Variants in DHRS7C observed in about 807,000 individuals in gnomAD.
The protein encoded by DHRS7C is dehydrogenase/reductase SDR family member 7C.
DHRS7C carries 28 observed loss-of-function variants against 29.6 expected under a neutral mutation model. The observed-to-expected ratio is 0.95, with a 90% CI of 0.70 to 1.30. The LOEUF (loss-of-function observed/expected upper bound fraction) is 1.30, where lower values mean the gene tolerates loss of function less well. Ranked by LOEUF, DHRS7C falls within the 50% of genes most tolerant of loss-of-function variation. The probability of loss-of-function intolerance (pLI) is 0.00; values close to 1 mark genes in which losing one functional copy is unlikely to be tolerated. For missense variants in DHRS7C, 403 were observed against 393.3 expected, an observed-to-expected ratio of 1.02 and a Z score of -0.21; for synonymous variants, 158 against 160.2, an observed-to-expected ratio of 0.99 and a Z score of 0.10.
chr17:9,790,024 A>G (rs909842461), intron 1 of DHRS7C, among the ~76,000 whole-genome samples: 3 of 152,138 alleles, frequency 2.0e-5, no homozygotes, highest in African/African-American at 7.2e-5. Context: ...ACCTGGGTCG[A>G]TCACCCACTG....
chr17:9,781,601 G>A lies in DHRS7C; in HGVS notation c.155-7C>T, dbSNP rs2066393639. 4 of 1,613,342 alleles carry A rather than the reference G, an allele frequency of 2.5e-6. No individual in the cohort carries two copies. The highest frequency in any genetic ancestry group is 3.4e-6 in the Non-Finnish European group (4 of 1,179,800). The stretch of plus-strand genomic sequence containing the variant: ...TGGAACACCCGAGCACACTCTGTGG[G>A]GAAGAAGGAAACAGGGCAGGGCACA... On this transcript the variant is annotated splice_polypyrimidine_tract_variant and splice_region_variant and intron_variant, in intron 1 of 5. Coordinates refer to ENST00000571134, the MANE Select transcript of DHRS7C (RefSeq NM_001105571.3).
At position 9,774,174 on chromosome 17, in the gene DHRS7C, T is replaced by C. The variant is rs967390657; in HGVS notation, c.572-1252A>G. Among the ~76,000 whole-genome samples the C allele has an allele frequency of 4.6e-5, 7 of 152,194 alleles. No homozygotes were observed. The highest frequency in any genetic ancestry group is 8.8e-5 in the Non-Finnish European group (6 of 68,028). On this transcript the variant is annotated intron_variant, in intron 4 of 5. Transcript: ENST00000571134. This position sits in a 1 kb window ranked among gnomAD's most constrained non-coding sequence, Gnocchi z 5.0. ...TTCAACAGTGAAGTCCCTGCTCTGGTGGGTGAGAAGCTGGGGACCCAGAGG... is the reference window on the plus strand; with the variant it reads ...TTCAACAGTGAAGTCCCTGCTCTGGCGGGTGAGAAGCTGGGGACCCAGAGG...
At chr17:9,785,371 G>A (rs900928376) in intron 1 of DHRS7C, 1 of 152,382 alleles carries the variant, frequency 6.6e-6, no homozygotes, top group Non-Finnish European at 1.5e-5. Context: ...CCAGCTTCAT[G>A]TCTTATGGGC....
chr17:9,790,074 T>C (rs776761932), intron 1 of DHRS7C, among the ~76,000 whole-genome samples: 3 of 152,036 alleles, frequency 2.0e-5, no homozygotes, highest in Non-Finnish European at 2.9e-5. Context: ...TTGGCTCCCA[T>C]TGGGATGCCG....
In DHRS7C at chr17:9,781,590, A is replaced by G. The variant is rs1229898463; in HGVS notation, c.159T>C (p.Cys53=). 6.2e-7 allele frequency: 1 copy of G among 1,613,718 alleles called. No homozygotes were observed. The highest frequency in any genetic ancestry group is 1.7e-5 in the Admixed American group (1 of 60,028). The change falls in exon 2 of 6, where the codon TGT becomes TGC. Residue 53 remains cysteine (C), a synonymous_variant. Transcript: ENST00000571134. The part of the protein sequence containing the change: ...TDAISGLGKE[C]ARVFHTGGAR... Reference sequence around the variant, plus strand: ...CCCCACCTGTGTGGAACACCCGAGCACACTCTGTGGGGAAGAAGGAAACAG... The same window carrying G: ...CCCCACCTGTGTGGAACACCCGAGCGCACTCTGTGGGGAAGAAGGAAACAG...
At chr17:9,778,748 A>G (rs1373969701) in intron 3 of DHRS7C, among the ~76,000 whole-genome samples, 1 of 152,148 alleles carries the variant, frequency 6.6e-6, no homozygotes, top group Non-Finnish European at 1.5e-5. Context: ...TCCTATTGTT[A>G]GAGGTACCCA....
intron 1 of DHRS7C, among the ~76,000 whole-genome samples, chr17:9,785,953 T>A (rs1318801970): frequency 6.6e-6 from 1 of 152,052 alleles, no homozygotes; most frequent in Non-Finnish European, 1.5e-5. Flanking sequence ...TATCAGGTAT[T>A]AGACTGGGCA....
intron 2 of DHRS7C, among the ~76,000 whole-genome samples, chr17:9,781,026 C>G (rs185071008): frequency 2.9e-4 from 44 of 152,322 alleles, no homozygotes; most frequent in Non-Finnish European, 4.7e-4. Flanking sequence ...CAAAGACAGT[C>G]CCCTGACCAG....
In DHRS7C at chr17:9,781,613, CAG is replaced by C; in HGVS notation, c.155-21_155-20del. On this transcript the variant is annotated intron_variant, in intron 1 of 5. Coordinates refer to ENST00000571134, the MANE Select transcript of DHRS7C (RefSeq NM_001105571.3). The stretch of plus-strand genomic sequence containing the variant: ...GCACACTCTGTGGGGAAGAAGGAAA[CAG>C]GGCAGGGCACACTGTGTGGATGGAG... 1 of 1,611,392 alleles carries C rather than the reference CAG, an allele frequency of 6.2e-7. No individual in the cohort carries two copies. The highest frequency in any genetic ancestry group is 8.5e-7 in the Non-Finnish European group (1 of 1,178,650).
chr17:9,773,708 T>G (rs528186676), intron 4 of DHRS7C, among the ~76,000 whole-genome samples: 1 of 147,624 alleles, frequency 6.8e-6, no homozygotes, highest in African/African-American at 2.5e-5. Flanking sequence ...TCTAGTTCTC[T>G]GCAATGAGGC....
At chr17:9,778,350 C>T (rs1044277904) in intron 3 of DHRS7C, among the ~76,000 whole-genome samples, 36 of 149,194 alleles carry the variant, frequency 2.4e-4, no homozygotes, top group Admixed American at 2.3e-3. Flanking sequence ...GCTGAGATAG[C>T]GCCACTGCAT....
rs374953790 is a variant in DHRS7C, at chr17:9,790,549, G to A, written c.154+582C>T. Among the ~76,000 whole-genome samples, 17 of 152,322 alleles carry A rather than the reference G, an allele frequency of 1.1e-4. No individual in the cohort carries two copies. In the East Asian group the frequency reaches 2.5e-3, roughly 22 times the overall value. On this transcript the variant is annotated intron_variant, in intron 1 of 5. Coordinates refer to ENST00000571134, the MANE Select transcript of DHRS7C (RefSeq NM_001105571.3). The stretch of plus-strand genomic sequence containing the variant: ...TGGGTGGGGTGTGTGGCCCACTAGC[G>A]TGGGCATGTTTTGCCTATATGTGTT...
At chr17:9,773,932 A>G (rs897502357) in intron 4 of DHRS7C, among the ~76,000 whole-genome samples, 16 of 152,028 alleles carry the variant, frequency 1.1e-4, no homozygotes, top group Non-Finnish European at 2.4e-4. Context: ...CATGTTGGCC[A>G]GGCTGGTCTT....
chr17:9,786,454 T>C (rs184930511), intron 1 of DHRS7C, among the ~76,000 whole-genome samples: 15 of 151,876 alleles, frequency 9.9e-5, no homozygotes, highest in African/African-American at 3.1e-4. Flanking sequence ...TGAGGTGTAC[T>C]GTCTCACGAC....
intron 1 of DHRS7C, among the ~76,000 whole-genome samples, chr17:9,789,814 C>T (rs905008717): frequency 2.6e-5 from 4 of 152,164 alleles, no homozygotes; most frequent in Non-Finnish European, 4.4e-5. Flanking sequence ...GCGGCACACT[C>T]CCTGTTGTCT....
At chr17:9,791,049 G>GCGCCCTGC in intron 1 of DHRS7C, 82 bp downstream of exon 1, 1 of 1,498,488 alleles carries the variant, frequency 6.7e-7, no homozygotes, top group East Asian at 2.5e-5. Flanking sequence ...TGCCCACACA[G>GCGCCCTGC]CGCCCTGCCG....
intron 1 of DHRS7C, among the ~76,000 whole-genome samples, chr17:9,789,163 A>G (rs2066440779): frequency 6.6e-6 from 1 of 152,252 alleles, no homozygotes; most frequent in South Asian, 2.1e-4. Flanking sequence ...AGAACTGAGC[A>G]ACCTCCCCAA....
In DHRS7C at chr17:9,774,615, G is replaced by C. The variant is rs780923558; in HGVS notation, c.572-1693C>G. 1.3e-5 allele frequency among the ~76,000 whole-genome samples: 2 copies of C among 152,166 alleles called. No homozygotes were observed. Among genetic ancestry groups the C allele is most frequent in the Non-Finnish European group, 2.9e-5 (2 of 68,010 alleles). On this transcript the variant is annotated intron_variant, in intron 4 of 5. Transcript: ENST00000571134. The surrounding 1 kb of genome is among the most constrained non-coding windows in gnomAD (Gnocchi z 5.0). ...GGCATGGTTAATGCAGGAAAGAGAT[G>C]TGTGCCTGCAGCAGGAGGGACACAT... is the stretch of plus-strand genomic sequence containing the variant.
intron 1 of DHRS7C, 72 bp downstream of exon 1, chr17:9,791,059 G>A (rs549546973): frequency 9.9e-6 from 15 of 1,522,522 alleles, no homozygotes; most frequent in African/African-American, 6.9e-5. Flanking sequence ...GCGCCCTGCC[G>A]CCCTGCCACC....
Sources: gnomAD v4.1 joint callset for allele counts (sites outside exome capture counted in the v4.1 genomes callset) on GRCh38, gnomAD v4.1.1 for gene constraint, Gnocchi (gnomAD v3.1) non-coding constraint, MANE v1.5 for transcripts, NCBI Gene and HGNC (gene_info 2026-07-23, HGNC 2026-07-21) for gene names.